The following IGF1R variants were observed in gnomAD, a reference collection of about 807,000 sequenced individuals.
IGF1R encodes the protein insulin like growth factor 1 receptor.
Under a neutral mutation model 144.6 loss-of-function variants are expected in IGF1R, and 44 were observed. That is an observed-to-expected ratio of 0.30 (90% CI 0.24 to 0.39). The LOEUF is 0.39. Among genes scored for constraint, IGF1R ranks in the 10% least tolerant of loss-of-function variants. The pLI, the probability that IGF1R is intolerant of heterozygous loss-of-function variation, is 1.00. For synonymous variants in IGF1R, 795 were observed against 722.8 expected (o/e 1.10, Z -1.60); for missense variants, 1,355 against 1,833.7 (o/e 0.74, Z 4.77).
rs145949661 is a variant in IGF1R, at chr15:98,953,440, G to A, written c.3723-3621G>A. On this transcript the variant is annotated intron_variant, in intron 20 of 20. Transcript: ENST00000650285. ...AAAGCCCGTCCTCAGCCTTATTTCA[G>A]CCCAGATCTCGGTATTTATGCCACA... is the stretch of plus-strand genomic sequence containing the variant. 4.7e-3 allele frequency among the ~76,000 whole-genome samples: 718 copies of A among 152,246 alleles called. 4 individuals are homozygous for A. The highest frequency in any genetic ancestry group is 0.017 in the African/African-American group (693 of 41,532).
chr15:98,964,313 AAAATC>A lies in IGF1R; in HGVS notation c.*6873_*6877del, dbSNP rs1336281786. The A allele has an allele frequency of 4.3e-6, 1 of 231,914 alleles. No individual in the cohort carries two copies. Among genetic ancestry groups the A allele is most frequent in the Non-Finnish European group, 8.5e-6 (1 of 117,170 alleles). 14.4% of individuals were successfully genotyped at this position (231,914 alleles called of 1,614,324 possible). On this transcript the variant is annotated 3_prime_UTR_variant, in exon 21 of 21. Coordinates refer to ENST00000650285, the MANE Select transcript of IGF1R (RefSeq NM_000875.5). The stretch of plus-strand genomic sequence containing the variant: ...TTCCTAAAAAATCCTGTTTATATAA[AAAATC>A]AGTAGATGAAAAAAATTTCAAAATG...
At chr15:98,824,763 G>T (rs910109889) in intron 2 of IGF1R, among the ~76,000 whole-genome samples, 1 of 151,804 alleles carries the variant, frequency 6.6e-6, no homozygotes, top group African/African-American at 2.4e-5. Flanking sequence ...CTCTGTTGCA[G>T]TTGTAGTCTG....
intron 2 of IGF1R, among the ~76,000 whole-genome samples, chr15:98,723,759 CT>C (rs2054296631): frequency 6.6e-6 from 1 of 152,182 alleles, no homozygotes; most frequent in Non-Finnish European, 1.5e-5. Flanking sequence ...TCATTAAACT[CT>C]TGTGAGAAGC....
intron 13 of IGF1R, among the ~76,000 whole-genome samples, chr15:98,924,950 G>A (rs998310556): frequency 6.6e-6 from 1 of 152,146 alleles, no homozygotes; most frequent in African/African-American, 2.4e-5. Flanking sequence ...AACCACTGGA[G>A]AGCCAGAGGA....
intron 2 of IGF1R, among the ~76,000 whole-genome samples, chr15:98,890,032 C>T (rs1179028049): frequency 6.6e-6 from 1 of 152,190 alleles, no homozygotes; most frequent in Non-Finnish European, 1.5e-5. Flanking sequence ...CCAGCTCATG[C>T]ATTTGGGATG....
chr15:98,811,588 C>T (rs906224297), intron 2 of IGF1R, among the ~76,000 whole-genome samples: 5 of 150,944 alleles, frequency 3.3e-5, no homozygotes, highest in African/African-American at 9.7e-5. Context: ...TTCCTTATAA[C>T]TTGTATGTGT....
At chr15:98,778,870 T>A (rs2055784808) in intron 2 of IGF1R, among the ~76,000 whole-genome samples, 1 of 152,196 alleles carries the variant, frequency 6.6e-6, no homozygotes, top group South Asian at 2.1e-4. Context: ...GAAGTCAGCA[T>A]ATGCATAGCT....
rs181860379 is a variant in IGF1R, at chr15:98,682,931, G to A, written c.95-24631G>A. Among the ~76,000 whole-genome samples the A allele has an allele frequency of 4.5e-3, 675 of 151,610 alleles. 4 individuals are homozygous for A. The highest frequency in any genetic ancestry group is 0.016 in the African/African-American group (655 of 41,262). ...TATACTTTTCTTGCTATGCATTTAAGTTGGAGCAGGCTCCGGGGCACCACT... is the reference window on the plus strand; with the variant it reads ...TATACTTTTCTTGCTATGCATTTAAATTGGAGCAGGCTCCGGGGCACCACT... On this transcript the variant is annotated intron_variant, in intron 1 of 20. Coordinates refer to ENST00000650285, the MANE Select transcript of IGF1R (RefSeq NM_000875.5).
At chr15:98,863,452 T>C (rs1052050248) in intron 2 of IGF1R, among the ~76,000 whole-genome samples, 9 of 152,244 alleles carry the variant, frequency 5.9e-5, no homozygotes, top group Non-Finnish European at 1.2e-4. Context: ...CCCACTAATT[T>C]TAACATCCAT....
At chr15:98,905,843 G>T (rs1186912911) in intron 5 of IGF1R, among the ~76,000 whole-genome samples, 1 of 152,182 alleles carries the variant, frequency 6.6e-6, no homozygotes, top group African/African-American at 2.4e-5. Context: ...ACAGGTCTCT[G>T]CCTTTTACCT....
chr15:98,930,212 C>T (rs201316308), intron 14 of IGF1R, 23 bp from the exon 15 acceptor site: 88 of 1,582,846 alleles, frequency 5.6e-5, no homozygotes, highest in Non-Finnish European at 6.6e-5. Flanking sequence ...GTTTTGTTAA[C>T]GTGAATTTAA....
At chr15:98,914,857 C>T (rs2015175570) in intron 8 of IGF1R, among the ~76,000 whole-genome samples, 1 of 152,140 alleles carries the variant, frequency 6.6e-6, no homozygotes, top group Admixed American at 6.5e-5. Context: ...TAGGAATGAG[C>T]TGTTTGTTTT....
At chr15:98,798,040 C>T (rs769291928) in intron 2 of IGF1R, among the ~76,000 whole-genome samples, 12 of 152,284 alleles carry the variant, frequency 7.9e-5, no homozygotes, top group South Asian at 2.1e-4. Flanking sequence ...ATGATGGCAT[C>T]GATTATTCGC....
intron 2 of IGF1R, among the ~76,000 whole-genome samples, chr15:98,764,543 T>C (rs1365470160): frequency 6.6e-6 from 1 of 152,242 alleles, no homozygotes; most frequent in Non-Finnish European, 1.5e-5. Context: ...AAATAGAGGC[T>C]TCTAGCACAG....
intron 13 of IGF1R, among the ~76,000 whole-genome samples, chr15:98,927,590 A>ATAT (rs2015770792): frequency 6.6e-6 from 1 of 152,206 alleles, no homozygotes; most frequent in Admixed American, 6.5e-5. Context: ...ATAAACAGTG[A>ATAT]TATAAGGGCC....
At chr15:98,839,875 G>C (rs575734093) in intron 2 of IGF1R, among the ~76,000 whole-genome samples, 3 of 152,192 alleles carry the variant, frequency 2.0e-5, no homozygotes, top group Non-Finnish European at 4.4e-5. Context: ...TTGCTCAGAT[G>C]ATCCTTGGTT....
chr15:98,736,325 G>C (rs529226662), intron 2 of IGF1R, among the ~76,000 whole-genome samples: 1 of 152,322 alleles, frequency 6.6e-6, no homozygotes, highest in East Asian at 1.9e-4. Context: ...GAAACATTGT[G>C]TGTATTGAAC....
intron 2 of IGF1R, among the ~76,000 whole-genome samples, chr15:98,830,603 A>ATTTTTT (rs1555450173): frequency 1.5e-5 from 2 of 133,720 alleles, no homozygotes; most frequent in African/African-American, 6.6e-5. Context: ...TCTGATCATC[A>ATTTTTT]TCTTTTTTTT....
intron 20 of IGF1R, among the ~76,000 whole-genome samples, chr15:98,953,876 C>G (rs942301506): frequency 6.6e-6 from 1 of 152,172 alleles, no homozygotes; most frequent in African/African-American, 2.4e-5. Flanking sequence ...GGGACCCAGA[C>G]AGACAGGAAG....
Sources: gnomAD v4.1 joint callset for allele counts (sites outside exome capture counted in the v4.1 genomes callset) on GRCh38, gnomAD v4.1.1 for gene constraint, MANE v1.5 for transcripts, NCBI Gene and HGNC (gene_info 2026-07-23, HGNC 2026-07-21) for gene names.